Variants in UNC93A observed in about 807,000 individuals in gnomAD.
UNC93A encodes N-acetylglucosamine transporter UNC93A.
Under a neutral mutation model 47.5 loss-of-function variants are expected in UNC93A, and 43 were observed. That is an observed-to-expected ratio of 0.91 (90% CI 0.71 to 1.17). UNC93A has a LOEUF of 1.17. Ranked by LOEUF, UNC93A falls within the 50% of genes most tolerant of loss-of-function variation. The pLI is 0.00. For missense variants in UNC93A, 605 were observed against 577.6 expected (o/e 1.05, Z -0.49); for synonymous variants, 280 against 258.0 (o/e 1.09, Z -0.82).
At chr6:167,308,996 C>A (rs755407272) in intron 7 of UNC93A, among the ~76,000 whole-genome samples, 2 of 151,892 alleles carry the variant, frequency 1.3e-5, no homozygotes, top group Non-Finnish European at 2.9e-5. Context: ...TGAGCGGGAG[C>A]CAAGGAGCCA....
upstream of UNC93A, among the ~76,000 whole-genome samples, chr6:167,289,519 G>C (rs1783804483): frequency 1.3e-5 from 2 of 152,332 alleles, no homozygotes; most frequent in Admixed American, 6.5e-5. Flanking sequence ...GTGCTGGAGG[G>C]ACAGGGAGGG....
Position 167,305,955 on chromosome 6 carries a change from A to G in UNC93A, c.881A>G (p.Tyr294Cys). The G allele has an allele frequency of 6.2e-7, 1 of 1,614,192 alleles. No individual in the cohort carries two copies. The highest frequency in any genetic ancestry group is 1.3e-5 in the African/African-American group (1 of 75,026). Residue 294 changes from tyrosine to cysteine, a missense_variant, in exon 6 of 8, where the codon TAC becomes TGC. Coordinates refer to ENST00000230256, the MANE Select transcript of UNC93A (RefSeq NM_018974.4). ...ACCCTGGGCATCCAGTTCGTCGGCT[A>G]CGTGATGATCTGCTTCTCGGCCACT... ...TCTLGIQFVGYVMICFSATDA... is the reference protein window; with the variant it reads ...TCTLGIQFVGCVMICFSATDA...
upstream of UNC93A, among the ~76,000 whole-genome samples, chr6:167,289,312 A>G (rs1783800337): frequency 6.6e-6 from 1 of 152,188 alleles, no homozygotes; most frequent in Admixed American, 6.5e-5. Flanking sequence ...GGTCACAGGA[A>G]CACTGAGGGG....
intron 2 of UNC93A, 110 bp from the exon 3 acceptor site, chr6:167,295,922 T>C: frequency 1.0e-6 from 1 of 962,440 alleles, no homozygotes; most frequent in East Asian, 2.6e-5. Flanking sequence ...ACGCTTGCAA[T>C]GGGCCAGGCG....
At chr6:167,286,616 G>A (rs1289539982), upstream of UNC93A, among the ~76,000 whole-genome samples, 3 of 152,126 alleles carry the variant, frequency 2.0e-5, no homozygotes, top group Non-Finnish European at 4.4e-5. Flanking sequence ...AGATTTTTGG[G>A]CGTAATTTCC....
intron 6 of UNC93A, among the ~76,000 whole-genome samples, chr6:167,307,456 C>CAGTTCCAGAGGATGGTTGAGAA (rs11270007): frequency 1.3e-5 from 2 of 150,346 alleles, no homozygotes; most frequent in African/African-American, 4.9e-5. Context: ...TTCCAGAGGA[C>CAGTTCCAGAGGATGGTTGAGAA]GGTTCCAGAG....
upstream of UNC93A, among the ~76,000 whole-genome samples, chr6:167,289,719 A>G (rs1369795031): frequency 6.6e-6 from 1 of 151,644 alleles, no homozygotes; most frequent in Non-Finnish European, 1.5e-5. Flanking sequence ...CAGACAGTGC[A>G]ATAAAACATC....
At chr6:167,301,980 G>A (rs952038793) in intron 4 of UNC93A, among the ~76,000 whole-genome samples, 2 of 152,168 alleles carry the variant, frequency 1.3e-5, no homozygotes, top group African/African-American at 2.4e-5. Context: ...GTGGCAGCAG[G>A]AGTCCTGCTT....
At chr6:167,302,349 C>T (rs12662811) in intron 4 of UNC93A, among the ~76,000 whole-genome samples, 5 of 151,598 alleles carry the variant, frequency 3.3e-5, no homozygotes, top group African/African-American at 9.7e-5. Context: ...TAATTCCCGT[C>T]GTCTTTAGAG....
intron 4 of UNC93A, among the ~76,000 whole-genome samples, chr6:167,303,096 G>A (rs1778286767): frequency 6.6e-6 from 1 of 152,160 alleles, no homozygotes. Flanking sequence ...CTGGGGCCTT[G>A]GAATGAACCC....
intron 1 of UNC93A, among the ~76,000 whole-genome samples, chr6:167,283,245 GCTAT>G (rs1385281107): frequency 6.6e-6 from 1 of 152,156 alleles, no homozygotes; most frequent in East Asian, 1.9e-4. Context: ...TTCAAAGCCT[GCTAT>G]CTGTCATGTG....
chr6:167,307,969 G>A lies in UNC93A; in HGVS notation c.1108+59G>A. 5 of 1,597,318 alleles carry A rather than the reference G, an allele frequency of 3.1e-6. No homozygotes were observed. The South Asian group carries it at 5.6e-5, about 18-fold the overall frequency. ...CAGCAGGGGGCGGTCCCTGGCCAAGGCAACTGTGGGGCTCATTAGATGCCA... is the reference window on the plus strand; with the variant it reads ...CAGCAGGGGGCGGTCCCTGGCCAAGACAACTGTGGGGCTCATTAGATGCCA... On this transcript the variant is annotated intron_variant, in intron 7 of 7. Coordinates refer to ENST00000230256, the MANE Select transcript of UNC93A (RefSeq NM_018974.4).
chr6:167,296,017 G>C lies in UNC93A; in HGVS notation c.270-15G>C, dbSNP rs970400481. 3.1e-5 allele frequency: 50 copies of C among 1,612,342 alleles called. No homozygotes were observed. The highest frequency in any genetic ancestry group is 4.1e-5 in the Non-Finnish European group (48 of 1,178,482). ...GTCTCCTGTTACAGGCTATGGGTCT[G>C]CATTTTACCCACAGGTACACTTTGA... is the stretch of plus-strand genomic sequence containing the variant. On this transcript the variant is annotated splice_polypyrimidine_tract_variant and intron_variant, in intron 2 of 7. Transcript: ENST00000230256.
intron 1 of UNC93A, 144 bp from the exon 2 acceptor site, chr6:167,294,373 G>T: frequency 1.1e-6 from 1 of 878,124 alleles, no homozygotes; most frequent in East Asian, 2.7e-5. Context: ...CAGCTTCAGA[G>T]GAGGCTCCCA....
At position 167,307,809 on chromosome 6, in the gene UNC93A, C is replaced by T. The variant is rs1371579516; in HGVS notation, c.1007C>T (p.Ala336Val). The change falls in exon 7 of 8, where the codon GCC becomes GTC. Residue 336 changes from alanine to valine, a missense_variant. By Grantham distance (64) the Ala-to-Val change is moderately conservative. Coordinates refer to ENST00000230256, the MANE Select transcript of UNC93A (RefSeq NM_018974.4). Reference protein sequence around the residue: ...GAVTHVSCMIALLLWRPRADH... With the variant: ...GAVTHVSCMIVLLLWRPRADH... ...GTGACCCACGTGTCCTGCATGATTG[C>T]CCTACTGCTGTGGAGACCTCGTGCT... 9 of 1,613,892 alleles carry T rather than the reference C, an allele frequency of 5.6e-6. No homozygotes were observed. The highest frequency in any genetic ancestry group is 7.6e-6 in the Non-Finnish European group (9 of 1,179,936).
intron 2 of UNC93A, among the ~76,000 whole-genome samples, chr6:167,295,204 C>T (rs966232352): frequency 3.9e-5 from 6 of 152,186 alleles, no homozygotes; most frequent in South Asian, 2.1e-4. Context: ...GGCCTGCACC[C>T]CAGGCCCCGG....
At chr6:167,277,425 G>C (rs539086338) in intron 1 of UNC93A, among the ~76,000 whole-genome samples, 7 of 152,170 alleles carry the variant, frequency 4.6e-5, no homozygotes, top group Non-Finnish European at 1.0e-4. Context: ...CCTGGCTTTT[G>C]CTGCAGGGCT....
intron 5 of UNC93A, among the ~76,000 whole-genome samples, chr6:167,304,907 C>T (rs1778338603): frequency 6.6e-6 from 1 of 152,276 alleles, no homozygotes; most frequent in Admixed American, 6.5e-5. Context: ...ATCTAAAAAT[C>T]GATGTGGCTC....
rs556554934 is a variant in UNC93A at position 167,295,777 on chromosome 6, G to A, written c.270-255G>A. ...GCTCCTCACCTTGTTGTTTGCAATC[G>A]CATCCGATACAAGGAGCCTCACTGG... is the stretch of plus-strand genomic sequence containing the variant. On this transcript the variant is annotated intron_variant, in intron 2 of 7. Transcript: ENST00000230256. Among the ~76,000 whole-genome samples the A allele has an allele frequency of 3.3e-5, 5 of 152,180 alleles. No individual in the cohort carries two copies. In the South Asian group the frequency reaches 6.2e-4, roughly 19 times the overall value.
Sources: allele counts gnomAD v4.1 joint callset (sites outside exome capture counted in the v4.1 genomes callset), GRCh38; gene constraint gnomAD v4.1.1; transcripts MANE v1.5; gene names NCBI Gene and HGNC (gene_info 2026-07-23, HGNC 2026-07-21).